Variants in BFSP1 observed in about 807,000 individuals in gnomAD.
The protein encoded by BFSP1 is filensin.
BFSP1 carries 38 observed loss-of-function variants against 43.9 expected under a neutral mutation model. The ratio of observed to expected loss-of-function variants is 0.87; its 90% CI spans 0.67 to 1.14. The LOEUF is 1.14. BFSP1 is among the 50% of genes most tolerant of loss of function. The pLI is 0.00. For synonymous variants in BFSP1, 352 were observed against 354.8 expected (o/e 0.99, Z 0.09); for missense variants, 850 against 875.1 (o/e 0.97, Z 0.36).
intron 5 of BFSP1, among the ~76,000 whole-genome samples, chr20:17,505,804 C>T (rs1339241459): frequency 2.0e-5 from 3 of 152,148 alleles, no homozygotes; most frequent in African/African-American, 7.2e-5. Context: ...ATGCAGCATC[C>T]CGGGCCACAC....
At chr20:17,505,846 G>A (rs1481560168) in intron 5 of BFSP1, among the ~76,000 whole-genome samples, 1 of 152,144 alleles carries the variant, frequency 6.6e-6, no homozygotes, top group Non-Finnish European at 1.5e-5. Flanking sequence ...GCTCCCGGGC[G>A]CACCCAGCCA....
At chr20:17,529,950 G>C (rs2034498735) in intron 1 of BFSP1, among the ~76,000 whole-genome samples, 1 of 152,166 alleles carries the variant, frequency 6.6e-6, no homozygotes, top group Non-Finnish European at 1.5e-5. Flanking sequence ...TTGACAAATT[G>C]CATCTTTTTT....
intron 3 of BFSP1, among the ~76,000 whole-genome samples, 193 bp downstream of exon 3, chr20:17,514,528 A>G (rs184654594): frequency 2.6e-4 from 40 of 152,256 alleles, no homozygotes; most frequent in African/African-American, 9.6e-4. Flanking sequence ...CACACCCACT[A>G]CTGCCCACTC....
chr20:17,539,112 T>C (rs1199926642), intron 1 of BFSP1, among the ~76,000 whole-genome samples: 8 of 137,902 alleles, frequency 5.8e-5, no homozygotes, highest in Admixed American at 4.3e-4. Context: ...CTTCTTTTTT[T>C]TTTTTTTTTT....
chr20:17,511,868 G>A (rs2123487484), intron 4 of BFSP1, 108 bp downstream of exon 4: 2 of 851,300 alleles, frequency 2.3e-6, no homozygotes, highest in South Asian at 1.7e-5. Context: ...AGTGGGGAGT[G>A]GACCCTGGTG....
chr20:17,524,538 G>C (rs927244739), intron 2 of BFSP1, among the ~76,000 whole-genome samples: 1 of 152,230 alleles, frequency 6.6e-6, no homozygotes, highest in Non-Finnish European at 1.5e-5. Flanking sequence ...TAAATTTGGT[G>C]TTGGGCATCA....
At chr20:17,518,932 C>T (rs1355932787) in intron 2 of BFSP1, among the ~76,000 whole-genome samples, 2 of 152,170 alleles carry the variant, frequency 1.3e-5, no homozygotes, top group South Asian at 2.1e-4. Context: ...TGTTCCCGGA[C>T]GCATCCCACT....
chr20:17,517,171 A>G (rs1212546377), intron 2 of BFSP1: 1 of 813,212 alleles, frequency 1.2e-6, no homozygotes, highest in African/African-American at 1.7e-5. Flanking sequence ...GTAGACGAGA[A>G]TGGCAAAATT....
intron 1 of BFSP1, among the ~76,000 whole-genome samples, chr20:17,553,269 A>G (rs148161235): frequency 6.6e-6 from 1 of 152,346 alleles, no homozygotes; most frequent in Admixed American, 6.5e-5. Flanking sequence ...TTCCATGGTC[A>G]TATGAGTAAA....
At chr20:17,529,247 A>AT (rs1016304848) in intron 1 of BFSP1, among the ~76,000 whole-genome samples, 31 of 152,160 alleles carry the variant, frequency 2.0e-4, no homozygotes, top group Non-Finnish European at 3.5e-4. Flanking sequence ...TAATTTTTGT[A>AT]TTTTTTAAAG....
chr20:17,504,520 AG>A (rs893913828), intron 5 of BFSP1, among the ~76,000 whole-genome samples: 1 of 152,140 alleles, frequency 6.6e-6, no homozygotes, highest in African/African-American at 2.4e-5. Context: ...AGGCACGCCC[AG>A]GGCATCTCAG....
At chr20:17,554,596 T>G (rs900145677) in intron 1 of BFSP1, among the ~76,000 whole-genome samples, 12 of 152,248 alleles carry the variant, frequency 7.9e-5, no homozygotes, top group African/African-American at 2.6e-4. Context: ...GACAAGAAAT[T>G]TATTTGACAT....
intron 1 of BFSP1, among the ~76,000 whole-genome samples, chr20:17,552,944 G>A (rs2034919225): frequency 6.6e-6 from 1 of 152,148 alleles, no homozygotes; most frequent in Non-Finnish European, 1.5e-5. Flanking sequence ...ATAAATTTGG[G>A]AACCAACAGC....
chr20:17,495,089 C>A, intron 7 of BFSP1, 60 bp from the exon 8 acceptor site: 1 of 1,473,728 alleles, frequency 6.8e-7, no homozygotes, highest in South Asian at 1.3e-5. Flanking sequence ...AAAGAAAATA[C>A]GCTGGTTGGA....
At chr20:17,524,588 G>A (rs555341227) in intron 2 of BFSP1, among the ~76,000 whole-genome samples, 1 of 152,258 alleles carries the variant, frequency 6.6e-6, no homozygotes, top group African/African-American at 2.4e-5. Context: ...TCACTGTAAC[G>A]CCGGCAGGTT....
At chr20:17,504,909 TTTTTTTGTTTTTG>T (rs2033893859) in intron 5 of BFSP1, among the ~76,000 whole-genome samples, 2 of 119,856 alleles carry the variant, frequency 1.7e-5, no homozygotes, top group South Asian at 2.6e-4. Flanking sequence ...TGTAAGGTTT[TTTTTTTGTTTTTG>T]TTTTTGTTTT....
intron 3 of BFSP1, among the ~76,000 whole-genome samples, chr20:17,514,345 C>A (rs2034151910): frequency 6.6e-6 from 1 of 152,170 alleles, no homozygotes; most frequent in Non-Finnish European, 1.5e-5. Flanking sequence ...GAATAATGTG[C>A]TCCTGCAATT....
At chr20:17,551,991 G>GA (rs984888855) in intron 1 of BFSP1, among the ~76,000 whole-genome samples, 22 of 149,650 alleles carry the variant, frequency 1.5e-4, no homozygotes, top group African/African-American at 3.9e-4. Flanking sequence ...CTCTCAAAAA[G>GA]AAAAAAAAAG....
chr20:17,497,404 A>G (rs6044852), intron 6 of BFSP1, among the ~76,000 whole-genome samples: 98,015 of 148,870 alleles, frequency 0.66, 33,459 homozygotes, highest in African/African-American at 0.85. Flanking sequence ...GGGCAAACAG[A>G]GTATGATATC....
Sources: allele counts gnomAD v4.1 joint callset (sites outside exome capture counted in the v4.1 genomes callset), GRCh38; gene constraint gnomAD v4.1.1; transcripts MANE v1.5; gene names NCBI Gene and HGNC (gene_info 2026-07-23, HGNC 2026-07-21).